Variants in ANKRD26 observed in about 807,000 individuals in gnomAD.
ANKRD26 encodes the protein ankyrin repeat domain-containing protein 26.
A neutral mutation model predicts 208.7 loss-of-function variants in ANKRD26; 141 were observed. The ratio of observed to expected loss-of-function variants is 0.68; its 90% CI spans 0.59 to 0.78. The LOEUF (loss-of-function observed/expected upper bound fraction) is 0.78. ANKRD26 is among the 30% of genes least tolerant of loss of function. The probability of loss-of-function intolerance (pLI) is 0.00; values close to 1 mark genes in which losing one functional copy is unlikely to be tolerated. For synonymous variants in ANKRD26, 636 were observed against 660.4 expected, an observed-to-expected ratio of 0.96 and a Z score of 0.57; for missense variants, 1,889 against 1,938.7, an observed-to-expected ratio of 0.97 and a Z score of 0.48.
intron 4 of ANKRD26, among the ~76,000 whole-genome samples, chr10:26,996,134 TG>T (rs2052586774): frequency 6.6e-6 from 1 of 152,236 alleles, no homozygotes; most frequent in Admixed American, 6.5e-5. Flanking sequence ...TATTGTTTAC[TG>T]CTCTCAAATT....
chr10:27,038,126 T>G, intron 21 of ANKRD26, 72 bp from the exon 22 acceptor site: 1 of 1,265,480 alleles, frequency 7.9e-7, no homozygotes, highest in Non-Finnish European at 1.1e-6. Context: ...GATATGCCGC[T>G]TTGTATGTTG....
At chr10:26,953,467 G>T in the ANKRD26 span, among the ~76,000 whole-genome samples, 1 of 152,200 alleles carries the variant, frequency 6.6e-6, no homozygotes, top group East Asian at 1.9e-4. Flanking sequence ...GTATTACTGT[G>T]TCTTGGTTTA....
chr10:27,066,244 T>C (rs536311020), intron 11 of ANKRD26: 36 of 316,464 alleles, frequency 1.1e-4, no homozygotes, highest in African/African-American at 7.5e-4. Flanking sequence ...CCTTTTCTTT[T>C]CTTTTTTTTT....
At chr10:27,056,771 C>T (rs569821563) in intron 15 of ANKRD26, among the ~76,000 whole-genome samples, 102 of 152,086 alleles carry the variant, frequency 6.7e-4, no homozygotes, top group African/African-American at 2.3e-3. Context: ...GAACAAAATT[C>T]TGTCTCAAAA....
At chr10:26,953,465 G>A in the ANKRD26 span, among the ~76,000 whole-genome samples, 1 of 152,110 alleles carries the variant, frequency 6.6e-6, no homozygotes, top group Non-Finnish European at 1.5e-5. Flanking sequence ...ATGTATTACT[G>A]TGTCTTGGTT....
rs2053936029 is a variant in ANKRD26 at position 27,033,222 on chromosome 10, T to C, written c.3807+3A>G. On this transcript the variant is annotated splice_donor_region_variant and intron_variant, in intron 25 of 33. Transcript: ENST00000376087. ...TGTTTGACATGTTAAATTTCATACA[T>C]ACTTGATTTCTGATTTGACCTAATT... 3 of 1,605,966 alleles carry C rather than the reference T, an allele frequency of 1.9e-6. No homozygotes were observed. The highest frequency in any genetic ancestry group is 4.5e-5 in the East Asian group (2 of 44,658).
rs1277897506 is a variant in ANKRD26, at chr10:27,089,326, G to A, written c.639-2717C>T. The stretch of plus-strand genomic sequence containing the variant: ...AGGGCATAGCAGATGGCCCCCAGGG[G>A]GACAGTTCAAGATTATCTGCCAAAC... On this transcript the variant is annotated intron_variant, in intron 4 of 33. Coordinates refer to ENST00000376087, the MANE Select transcript of ANKRD26 (RefSeq NM_014915.3). 4.6e-5 allele frequency among the ~76,000 whole-genome samples: 7 copies of A among 152,196 alleles called. No individual in the cohort carries two copies. The East Asian group carries it at 1.2e-3, about 25-fold the overall frequency.
intron 1 of ANKRD26, among the ~76,000 whole-genome samples, chr10:27,099,562 TGG>T (rs11404415): frequency 5.3e-5 from 6 of 113,718 alleles, no homozygotes; most frequent in African/African-American, 1.0e-4. Flanking sequence ...CTATTAGAGT[TGG>T]GGGGGGGGGT....
intron 1 of ANKRD26, among the ~76,000 whole-genome samples, chr10:27,095,761 C>A (rs868808291): frequency 2.0e-5 from 3 of 152,160 alleles, no homozygotes; most frequent in Admixed American, 6.6e-5. Context: ...TCAGGCTGGG[C>A]AGGTATGCAA....
chr10:26,982,455 T>C (rs1462426798), intron 4 of ANKRD26, among the ~76,000 whole-genome samples: 1 of 152,098 alleles, frequency 6.6e-6, no homozygotes, highest in Non-Finnish European at 1.5e-5. Flanking sequence ...GGAGAAAGCA[T>C]TTTAAAAAGA....
At chr10:27,028,202 AG>A (rs2053732613) in intron 27 of ANKRD26, among the ~76,000 whole-genome samples, 1 of 152,214 alleles carries the variant, frequency 6.6e-6, no homozygotes, top group Non-Finnish European at 1.5e-5. Context: ...GAGTGTGGAC[AG>A]GATGTCACAA....
At chr10:26,992,829 T>G (rs1323980595) in intron 5 of ANKRD26, among the ~76,000 whole-genome samples, 3 of 152,156 alleles carry the variant, frequency 2.0e-5, no homozygotes, top group Non-Finnish European at 4.4e-5. Flanking sequence ...TTATCTGGGT[T>G]TTCATATCAG....
chr10:27,100,068 C>T lies in ANKRD26; in HGVS notation c.242+17G>A, dbSNP rs1403807900. The T allele has an allele frequency of 6.2e-7, 1 of 1,613,534 alleles. No homozygotes were observed. The highest frequency in any genetic ancestry group is 2.2e-5 in the East Asian group (1 of 44,874). On this transcript the variant is annotated intron_variant, in intron 1 of 33. Coordinates refer to ENST00000376087, the MANE Select transcript of ANKRD26 (RefSeq NM_014915.3). ...CTACTCCAGTGGCACTCAGTCCGGG[C>T]TTGCGACGCCTATTACCTGTTCATC...
At chr10:27,090,876 A>G (rs777696194) in intron 4 of ANKRD26, among the ~76,000 whole-genome samples, 2 of 152,172 alleles carry the variant, frequency 1.3e-5, no homozygotes, top group Non-Finnish European at 2.9e-5. Context: ...TGGGTGGATC[A>G]CTACAGTCCA....
intron 27 of ANKRD26, among the ~76,000 whole-genome samples, chr10:27,027,886 A>G (rs1236517220): frequency 6.6e-6 from 1 of 152,176 alleles, no homozygotes; most frequent in East Asian, 1.9e-4. Flanking sequence ...AACCATCACA[A>G]TTTCAACATA....
intron 9 of ANKRD26, 46 bp downstream of exon 9, chr10:27,077,292 G>C: frequency 1.4e-6 from 2 of 1,458,198 alleles, no homozygotes; most frequent in Middle Eastern, 1.7e-4. Context: ...GGATTGTTGG[G>C]GCAGGGGAAG....
chr10:26,977,824 C>CTGCCCTGCAGAATG (rs1278021406), intron 5 of ANKRD26, among the ~76,000 whole-genome samples: 3 of 152,194 alleles, frequency 2.0e-5, no homozygotes, highest in Non-Finnish European at 4.4e-5. Context: ...AAGCCCGCTA[C>CTGCCCTGCAGAATG]TGCCCTGCAG....
At position 27,052,185 on chromosome 10, in the gene ANKRD26, A is replaced by C. The variant is rs575046032; in HGVS notation, c.1635+1135T>G. ...ACGGACAAAGAAAAATTAGGAAATA[A>C]TTAAAATTCAACTGTTAAACTTAGT... On this transcript the variant is annotated intron_variant, in intron 16 of 33. Transcript: ENST00000376087. 1.3e-5 allele frequency: 13 copies of C among 975,310 alleles called. No individual in the cohort carries two copies. In the African/African-American group the frequency reaches 2.1e-4, roughly 16 times the overall value. The allele number at this position is 975,310 out of a possible 1,614,324, so 60.4% of individuals were successfully genotyped here.
At chr10:26,960,149 CA>C in the ANKRD26 span, among the ~76,000 whole-genome samples, 177 of 136,538 alleles carry the variant, frequency 1.3e-3, no homozygotes, top group East Asian at 1.5e-3. Context: ...ACCTTGTCTC[CA>C]AAAAAAAAAA....
Sources: allele counts gnomAD v4.1 joint callset (sites outside exome capture counted in the v4.1 genomes callset), GRCh38; gene constraint gnomAD v4.1.1; transcripts MANE v1.5; gene names NCBI Gene and HGNC (gene_info 2026-07-23, HGNC 2026-07-21).